PLCG1: variants seen among roughly 807,000 people sequenced by gnomAD.
PLCG1 encodes 1-phosphatidylinositol 4,5-bisphosphate phosphodiesterase gamma-1.
Under a neutral mutation model 177.8 loss-of-function variants are expected in PLCG1, and 71 were observed. The ratio of observed to expected loss-of-function variants is 0.40; its 90% CI spans 0.33 to 0.49. The LOEUF is 0.49. Ranked by LOEUF, PLCG1 falls within the 20% of genes least tolerant of loss-of-function variation. PLCG1 has a pLI of 0.72. For synonymous variants in PLCG1, 658 were observed against 647.9 expected (o/e 1.02, Z -0.24); for missense variants, 1,281 against 1,709.0 (o/e 0.75, Z 4.42).
Position 41,174,202 on chromosome 20 carries a change from C to G in PLCG1, c.3724C>G (p.His1242Asp). Residue 1242 changes from histidine to aspartate, a missense_variant, in exon 31 of 32, where the codon CAT (histidine) becomes GAT (aspartate). Transcript: ENST00000685551. The surrounding 1 kb of genome is among the most constrained non-coding windows in gnomAD (Gnocchi z 5.8). ...RGSDASGQLF[H>D]GRAREGSFES... is the part of the protein sequence containing the mutation. ...CTCAGATGCCTCAGGCCAGCTGTTT[C>G]ATGGCCGAGCCCGGGAAGGCTCCTT... 1 of 1,614,166 alleles carries G rather than the reference C, an allele frequency of 6.2e-7. No individual in the cohort carries two copies. The highest frequency in any genetic ancestry group is 8.5e-7 in the Non-Finnish European group (1 of 1,180,010).
At position 41,159,459 on chromosome 20, in the gene PLCG1, T is replaced by C; in HGVS notation, c.218-147T>C. 1.4e-6 allele frequency: 1 copy of C among 737,626 alleles called. No individual in the cohort carries two copies. The highest frequency in any genetic ancestry group is 1.9e-5 in the South Asian group (1 of 53,148). The allele number at this position is 737,626 out of a possible 1,614,324, so 45.7% of individuals were successfully genotyped here. On this transcript the variant is annotated intron_variant, in intron 1 of 31. Transcript: ENST00000685551. The surrounding 1 kb of genome is among the most constrained non-coding windows in gnomAD (Gnocchi z 6.0). The stretch of plus-strand genomic sequence containing the variant: ...CCCTAGACTCAACCCAGCCCTCTTA[T>C]TACCAGAGTGACTGAGTGGTCTTGG...
Position 41,170,141 on chromosome 20 carries a change from C to T in PLCG1, c.2680C>T (p.Leu894Phe). The T allele has an allele frequency of 6.2e-7, 1 of 1,613,766 alleles. No homozygotes were observed. Among genetic ancestry groups the T allele is most frequent in the South Asian group, 1.1e-5 (1 of 91,042 alleles). The part of the protein sequence containing the change: ...AIRPEGKNNR[L>F]FVFSISMASV... ...CCGTCCTGAGGGCAAGAACAACCGG[C>T]TCTTCGTCTTCTCCATCAGCATGGC... Residue 894 changes from leucine to phenylalanine, a missense_variant, in exon 24 of 32, where the codon CTC becomes TTC. This residue lies in a region of PLCG1 where 723 missense variants were observed against 1,030.0 expected (regional missense o/e 0.70). Transcript: ENST00000685551.
chr20:41,169,582 G>T, intron 23 of PLCG1, 56 bp downstream of exon 23: 2 of 1,361,130 alleles, frequency 1.5e-6, no homozygotes, highest in Non-Finnish European at 1.0e-6. Flanking sequence ...ATTCTTCTTT[G>T]TATCTCTTTC....
At chr20:41,140,403 C>G (rs1294478121) in intron 1 of PLCG1, among the ~76,000 whole-genome samples, 1 of 152,198 alleles carries the variant, frequency 6.6e-6, no homozygotes, top group Non-Finnish European at 1.5e-5. Flanking sequence ...TTTTCTGCCA[C>G]CTGGACTCTT....
chr20:41,160,298 C>A lies in PLCG1; in HGVS notation c.512+145C>A. On this transcript the variant is annotated intron_variant, in intron 4 of 31. Coordinates refer to ENST00000685551, the MANE Select transcript of PLCG1 (RefSeq NM_002660.3). The surrounding 1 kb of genome is among the most constrained non-coding windows in gnomAD (Gnocchi z 5.5). ...GGAGGGTGGGCAGAAGGTTCTGCCA[C>A]GTGTAGCTTTCTGCACAAAGTCCTC... 1 of 730,174 alleles carries A rather than the reference C, an allele frequency of 1.4e-6. No homozygotes were observed. The allele number at this position is 730,174 out of a possible 1,614,324, so 45.2% of individuals were successfully genotyped here.
chr20:41,171,067 C>G (rs1311107486), intron 24 of PLCG1, among the ~76,000 whole-genome samples: 1 of 152,202 alleles, frequency 6.6e-6, no homozygotes, highest in Admixed American at 6.5e-5. Flanking sequence ...CCTGGGGGAA[C>G]AGAGAAGTAT....
At chr20:41,171,777 G>A (rs1350439131) in intron 24 of PLCG1, among the ~76,000 whole-genome samples, 1 of 152,120 alleles carries the variant, frequency 6.6e-6, no homozygotes, top group Non-Finnish European at 1.5e-5. Context: ...AACCAAGCCA[G>A]GGGCCTGTAT....
In PLCG1 at chr20:41,167,976, C is replaced by G; in HGVS notation, c.2379+47C>G. ...ATAGGAAGCTGGGGAGGGTCCCCAG[C>G]TGCTTGGGGCTTCATTTCTGTGTTC... On this transcript the variant is annotated intron_variant, in intron 20 of 31. Coordinates refer to ENST00000685551, the MANE Select transcript of PLCG1 (RefSeq NM_002660.3). This position sits in a 1 kb window ranked among gnomAD's most constrained non-coding sequence, Gnocchi z 4.4. The G allele has an allele frequency of 8.0e-7, 1 of 1,245,958 alleles. No individual in the cohort carries two copies. 77.2% of individuals were successfully genotyped at this position (1,245,958 alleles called of 1,614,324 possible).
At chr20:41,158,033 T>C (rs2035376813) in intron 1 of PLCG1, among the ~76,000 whole-genome samples, 1 of 152,094 alleles carries the variant, frequency 6.6e-6, no homozygotes, top group Admixed American at 6.6e-5. Context: ...GGCAGGACTC[T>C]CAGCTGGAGG....
At position 41,157,436 on chromosome 20, in the gene PLCG1, C is replaced by A. The variant is rs536632377; in HGVS notation, c.218-2170C>A. ...GTGTTCTCGGTTAGGTCTTTTATGG[C>A]CCAGTTCTCCCTGCCCCTGTTTCTA... On this transcript the variant is annotated intron_variant, in intron 1 of 31. Coordinates refer to ENST00000685551, the MANE Select transcript of PLCG1 (RefSeq NM_002660.3). This position sits in a 1 kb window ranked among gnomAD's most constrained non-coding sequence, Gnocchi z 5.4. 9.9e-5 allele frequency among the ~76,000 whole-genome samples: 15 copies of A among 152,232 alleles called. No individual in the cohort carries two copies. Among genetic ancestry groups the A allele is most frequent in the African/African-American group, 3.6e-4 (15 of 41,546 alleles).
intron 20 of PLCG1, 54 bp from the exon 21 acceptor site, chr20:41,168,713 T>G: frequency 9.3e-7 from 1 of 1,077,388 alleles, no homozygotes; most frequent in Non-Finnish European, 1.4e-6. Context: ...AGCCCCAGGT[T>G]GGCAGTGGCA....
At chr20:41,142,975 C>T (rs1163016821) in intron 1 of PLCG1, among the ~76,000 whole-genome samples, 1 of 152,180 alleles carries the variant, frequency 6.6e-6, no homozygotes, top group African/African-American at 2.4e-5. Flanking sequence ...CCCTTTGATT[C>T]AGAGGCAAGG....
chr20:41,170,544 G>A (rs1259702944), intron 24 of PLCG1: 1 of 385,924 alleles, frequency 2.6e-6, no homozygotes. Flanking sequence ...GAGGTAAGAG[G>A]AGAAGTCCTG....
rs1425626484 is a variant in PLCG1, at chr20:41,176,030, T to C, written c.*1521T>C. The C allele has an allele frequency of 2.0e-5, 3 of 152,172 alleles. No homozygotes were observed. Among genetic ancestry groups the C allele is most frequent in the Admixed American group, 2.0e-4 (3 of 15,268 alleles). 9.4% of individuals were successfully genotyped at this position (152,172 alleles called of 1,614,324 possible). On this transcript the variant is annotated 3_prime_UTR_variant, in exon 32 of 32. Transcript: ENST00000685551. Reference sequence around the variant, plus strand: ...CCCTTTCCAGTTCCACAGAAACCTCTCCTTTCAAAAATGTTGCATTCAGTT... The same window carrying C: ...CCCTTTCCAGTTCCACAGAAACCTCCCCTTTCAAAAATGTTGCATTCAGTT...
intron 24 of PLCG1, among the ~76,000 whole-genome samples, chr20:41,171,776 A>G (rs928444040): frequency 1.3e-5 from 2 of 152,140 alleles, no homozygotes; most frequent in Non-Finnish European, 2.9e-5. Flanking sequence ...AAACCAAGCC[A>G]GGGGCCTGTA....
Position 41,172,145 on chromosome 20 carries a change from T to G in PLCG1, c.2809-48T>G, listed in dbSNP as rs537873206. On this transcript the variant is annotated intron_variant, in intron 24 of 31. Coordinates refer to ENST00000685551, the MANE Select transcript of PLCG1 (RefSeq NM_002660.3). This position sits in a 1 kb window ranked among gnomAD's most constrained non-coding sequence, Gnocchi z 7.0. ...AAGGTTGGCAGGGGCTTCCTTCTCC[T>G]GGGCAGGGCTGTAGCCTGGGGCTAC... The G allele has an allele frequency of 6.1e-6, 9 of 1,484,394 alleles. No individual in the cohort carries two copies. The highest frequency in any genetic ancestry group is 3.3e-5 in the Admixed American group (2 of 59,842). The allele number at this position is 1,484,394 out of a possible 1,614,324, so 92.0% of individuals were successfully genotyped here. A position where few individuals can be genotyped will look rare whatever the true frequency, so the allele number is the denominator to read the frequency against.
At position 41,170,266 on chromosome 20, in the gene PLCG1, C is replaced by G; in HGVS notation, c.2805C>G (p.Ala935=). 1.9e-6 allele frequency: 3 copies of G among 1,614,032 alleles called. No homozygotes were observed. The highest frequency in any genetic ancestry group is 2.5e-6 in the Non-Finnish European group (3 of 1,179,978). Residue 935 remains alanine, a synonymous_variant, in exon 24 of 32, where the codon GCC becomes GCG. Coordinates refer to ENST00000685551, the MANE Select transcript of PLCG1 (RefSeq NM_002660.3). ...GTGAAGTGGCCCAGACAGCAGACGC[C>G]AGGGTGAGATTCTGCTGGAACCTTC... ...KIREVAQTAD[A]RLTEGKIMER... is the part of the protein sequence containing the mutation.
rs1438658937 is a variant in PLCG1, at chr20:41,146,556, T to G, written c.217+8698T>G. On this transcript the variant is annotated intron_variant, in intron 1 of 31. Transcript: ENST00000685551. The surrounding 1 kb of genome is among the most constrained non-coding windows in gnomAD (Gnocchi z 6.3). ...CCTGACAGTGAACAGCTGGCCAAAC[T>G]GGTGAGGAGTTGGGCCATGGCGAGT... Among the ~76,000 whole-genome samples the G allele has an allele frequency of 6.6e-6, 1 of 152,186 alleles. No homozygotes were observed. The highest frequency in any genetic ancestry group is 1.9e-4 in the East Asian group (1 of 5,196).
In PLCG1 at chr20:41,159,138, A is replaced by G. The variant is rs1238890948; in HGVS notation, c.218-468A>G. Reference sequence around the variant, plus strand: ...GATGGCTTTAGCAGTTAGGCATTTCAGGGATGCACCAGTCCTCTGGGCCAG... The same window carrying G: ...GATGGCTTTAGCAGTTAGGCATTTCGGGGATGCACCAGTCCTCTGGGCCAG... On this transcript the variant is annotated intron_variant, in intron 1 of 31. Transcript: ENST00000685551. The surrounding 1 kb of genome is among the most constrained non-coding windows in gnomAD (Gnocchi z 6.0). Among the ~76,000 whole-genome samples the G allele has an allele frequency of 1.3e-5, 2 of 152,134 alleles. No individual in the cohort carries two copies. Among genetic ancestry groups the G allele is most frequent in the African/African-American group, 4.8e-5 (2 of 41,408 alleles).
Sources: gnomAD v4.1 joint callset for allele counts (sites outside exome capture counted in the v4.1 genomes callset) on GRCh38, gnomAD v4.1.1 for gene constraint, gnomAD v4.1.1 regional missense constraint, Gnocchi (gnomAD v3.1) non-coding constraint, MANE v1.5 for transcripts, NCBI Gene and HGNC (gene_info 2026-07-23, HGNC 2026-07-21) for gene names.